Variants in SLC4A4 observed in about 807,000 individuals in gnomAD.
SLC4A4 encodes electrogenic sodium bicarbonate cotransporter 1.
In SLC4A4, 27 loss-of-function variants were observed where a neutral mutation model predicts 111.5. The observed-to-expected ratio is 0.24, with a 90% CI of 0.18 to 0.33. The LOEUF is 0.33. Ranked by LOEUF, SLC4A4 falls within the 10% of genes least tolerant of loss-of-function variation. The pLI is 1.00. For synonymous variants in SLC4A4, 443 were observed against 463.4 expected (o/e 0.96, Z 0.57); for missense variants, 909 against 1,315.5 (o/e 0.69, Z 4.78).
At chr4:71,515,469 GT>G (rs1732301362) in intron 16 of SLC4A4, among the ~76,000 whole-genome samples, 1 of 152,126 alleles carries the variant, frequency 6.6e-6, no homozygotes, top group African/African-American at 2.4e-5. Context: ...AGAATGTTCT[GT>G]AAATGTCTGT....
chr4:71,357,799 T>C (rs1730419816), intron 6 of SLC4A4, among the ~76,000 whole-genome samples: 2 of 148,500 alleles, frequency 1.3e-5, no homozygotes, highest in South Asian at 4.4e-4. Context: ...AGGCACTGTA[T>C]CCTATCTGTA....
chr4:71,466,628 C>T (rs1373809360), intron 13 of SLC4A4, 51 bp downstream of exon 13: 3 of 1,544,490 alleles, frequency 1.9e-6, no homozygotes, highest in African/African-American at 2.7e-5. Context: ...ATTGTAGAAC[C>T]TTTATAGGCT....
chr4:71,065,526 G>T (rs368615036), intron 1 of SLC4A4, among the ~76,000 whole-genome samples: 1 of 152,140 alleles, frequency 6.6e-6, no homozygotes, highest in Admixed American at 6.5e-5. Context: ...TCGATGAAAG[G>T]CTGAAAGACG....
chr4:71,328,815 T>C (rs1237722516), intron 3 of SLC4A4, among the ~76,000 whole-genome samples: 1 of 152,188 alleles, frequency 6.6e-6, no homozygotes, highest in Non-Finnish European at 1.5e-5. Flanking sequence ...CAGAAGCTTT[T>C]TAACTTGATG....
intron 1 of SLC4A4, among the ~76,000 whole-genome samples, chr4:71,084,823 G>C (rs1742110159): frequency 6.6e-6 from 1 of 151,936 alleles, no homozygotes. Context: ...ATTTGGGTTG[G>C]TTCCAAGTCT....
intron 6 of SLC4A4, among the ~76,000 whole-genome samples, chr4:71,370,425 T>A (rs1418389339): frequency 6.6e-6 from 1 of 152,222 alleles, no homozygotes; most frequent in African/African-American, 2.4e-5. Flanking sequence ...TAAATTCTTT[T>A]ACTACTTAAT....
At position 71,079,607 on chromosome 4, in the gene SLC4A4, C is replaced by G. The variant is rs571030186; in HGVS notation, c.-64-13123C>G. On this transcript the variant is annotated intron_variant, in intron 1 of 26. Coordinates refer to the SLC4A4 transcript ENST00000649996. ...CCTGGGCAACATAGCAAGACCCTAT[C>G]TCTCTAAAAATACAAAAAATTAGCT... is the stretch of plus-strand genomic sequence containing the variant. 2.0e-5 allele frequency among the ~76,000 whole-genome samples: 3 copies of G among 152,116 alleles called. No individual in the cohort carries two copies. The East Asian group carries it at 5.8e-4, about 30-fold the overall frequency.
At chr4:71,400,666 C>A (rs1720273067) in intron 7 of SLC4A4, among the ~76,000 whole-genome samples, 1 of 152,156 alleles carries the variant, frequency 6.6e-6, no homozygotes, top group East Asian at 1.9e-4. Context: ...ATCTCTTCTA[C>A]AACCAAAGGT....
chr4:71,468,495 A>G (rs1275776020), intron 13 of SLC4A4, among the ~76,000 whole-genome samples: 1 of 152,032 alleles, frequency 6.6e-6, no homozygotes. Flanking sequence ...GTAACATAAC[A>G]TAGTTCCAAG....
chr4:71,527,423 T>C (rs1733513789), intron 16 of SLC4A4, among the ~76,000 whole-genome samples: 1 of 152,020 alleles, frequency 6.6e-6, no homozygotes, highest in South Asian at 2.1e-4. Flanking sequence ...GTCTGAGCAA[T>C]GGGGAAAATT....
At chr4:71,215,262 G>A (rs1347591493) in intron 1 of SLC4A4, among the ~76,000 whole-genome samples, 1 of 152,006 alleles carries the variant, frequency 6.6e-6, no homozygotes, top group Non-Finnish European at 1.5e-5. Context: ...TTATTAATTC[G>A]CTCCTGACTG....
chr4:71,186,017 T>A (rs1197003346), upstream of SLC4A4, among the ~76,000 whole-genome samples: 1 of 152,228 alleles, frequency 6.6e-6, no homozygotes, highest in African/African-American at 2.4e-5. Flanking sequence ...GACTACTCTC[T>A]AGCAGTACCC....
chr4:71,460,139 T>G (rs1726684014), intron 12 of SLC4A4, among the ~76,000 whole-genome samples: 1 of 152,098 alleles, frequency 6.6e-6, no homozygotes, highest in Non-Finnish European at 1.5e-5. Context: ...TGATTTCTTT[T>G]GCTGTATAGA....
intron 1 of SLC4A4, among the ~76,000 whole-genome samples, chr4:71,070,386 A>G (rs1466300036): frequency 1.3e-5 from 2 of 152,176 alleles, no homozygotes; most frequent in African/African-American, 2.4e-5. Context: ...CGAGTCTACA[A>G]TTGCCAAGGT....
At chr4:71,462,134 G>A (rs1351469024) in intron 12 of SLC4A4, among the ~76,000 whole-genome samples, 1 of 152,162 alleles carries the variant, frequency 6.6e-6, no homozygotes, top group African/African-American at 2.4e-5. Context: ...AGAAGGTGGT[G>A]AAAAGCAGCC....
At chr4:71,373,036 G>A (rs1357922104) in intron 6 of SLC4A4, among the ~76,000 whole-genome samples, 1 of 152,094 alleles carries the variant, frequency 6.6e-6, no homozygotes, top group African/African-American at 2.4e-5. Context: ...CTTTTGGAGA[G>A]TTTACTGACT....
intron 2 of SLC4A4, among the ~76,000 whole-genome samples, chr4:71,254,457 T>A (rs908498556): frequency 2.6e-5 from 4 of 152,138 alleles, no homozygotes; most frequent in Admixed American, 2.0e-4. Flanking sequence ...GCTCGGTTTA[T>A]TTTTATCATT....
At chr4:71,490,003 T>G (rs1560555115) in intron 15 of SLC4A4, among the ~76,000 whole-genome samples, 3 of 151,860 alleles carry the variant, frequency 2.0e-5, no homozygotes, top group Non-Finnish European at 2.9e-5. Flanking sequence ...AGGATAACTA[T>G]GTCTCAAGAT....
chr4:71,279,071 T>A (rs954837524), intron 3 of SLC4A4, among the ~76,000 whole-genome samples: 6 of 152,310 alleles, frequency 3.9e-5, no homozygotes, highest in African/African-American at 1.2e-4. Context: ...GTAGTTATCA[T>A]TTTTTGTGTG....
Sources: gnomAD v4.1 joint callset for allele counts (sites outside exome capture counted in the v4.1 genomes callset) on GRCh38, gnomAD v4.1.1 for gene constraint, MANE v1.5 for transcripts, NCBI Gene and HGNC (gene_info 2026-07-23, HGNC 2026-07-21) for gene names.